Variants in ZBTB37 observed in about 807,000 individuals in gnomAD.
ZBTB37 encodes the protein zinc finger and BTB domain containing 37, also known as zinc finger and BTB domain-containing protein 37.
ZBTB37 carries 15 observed loss-of-function variants against 37.7 expected under a neutral mutation model. The observed-to-expected ratio is 0.40, with a 90% CI of 0.27 to 0.61. ZBTB37 has a LOEUF of 0.61. Among genes scored for constraint, ZBTB37 ranks in the 20% least tolerant of loss-of-function variants. ZBTB37 has a pLI of 0.44. For synonymous variants in ZBTB37, 231 were observed against 220.6 expected (o/e 1.05, Z -0.42); for missense variants, 514 against 641.9 (o/e 0.80, Z 2.15).
At chr1:173,888,063 AAG>A (rs1364566935), downstream of ZBTB37, 10 of 152,252 alleles carry the variant, frequency 6.6e-5, no homozygotes, top group African/African-American at 2.4e-4. Flanking sequence ...ACCATTTAAT[AAG>A]AGCCTACCCT....
chr1:173,876,625 C>G (rs929412281), intron 4 of ZBTB37, among the ~76,000 whole-genome samples: 4 of 152,128 alleles, frequency 2.6e-5, no homozygotes, highest in African/African-American at 7.2e-5. Flanking sequence ...GCCTAAACCA[C>G]TGAATATTTA....
At chr1:173,879,824 A>T (rs1367458041) in intron 4 of ZBTB37, among the ~76,000 whole-genome samples, 1 of 152,094 alleles carries the variant, frequency 6.6e-6, no homozygotes, top group Admixed American at 6.6e-5. Context: ...GGTGGTGGGC[A>T]CCTGTAATCT....
At chr1:173,873,519 A>C (rs1366802052) in exon 4 of ZBTB37, 2 of 1,613,968 alleles carry the variant, frequency 1.2e-6, no homozygotes, top group Non-Finnish European at 1.7e-6. Flanking sequence ...CAGAGCCAGA[A>C]GTGAGTCTCC....
At position 173,896,866 on chromosome 1, in the gene ZBTB37, T is replaced by A. The variant is rs141178059; in HGVS notation, c.*10742T>A. On this transcript the variant is annotated 3_prime_UTR_variant, in exon 4 of 4. Transcript: ENST00000367701. ...GGAACAAAGCTTAAAATGTGTTTCC[T>A]CTGGAAGCCAAGATGCTAAAAAAGG... 1.3e-5 allele frequency: 2 copies of A among 152,316 alleles called. 1 individual carries two copies. Among genetic ancestry groups the A allele is most frequent in the East Asian group, 3.9e-4 (2 of 5,188 alleles). The allele number at this position is 152,316 out of a possible 1,614,324, so 9.4% of individuals were successfully genotyped here. A position where few individuals can be genotyped will look rare whatever the true frequency, so the allele number is the denominator to read the frequency against.
chr1:173,876,228 C>T (rs1352207076), intron 4 of ZBTB37, among the ~76,000 whole-genome samples: 1 of 151,812 alleles, frequency 6.6e-6, no homozygotes, highest in East Asian at 1.9e-4. Context: ...AAAAAGTAAA[C>T]ACTGTTGAAT....
chr1:173,888,708 G>T (rs1355489013), downstream of ZBTB37: 1 of 152,174 alleles, frequency 6.6e-6, no homozygotes, highest in Non-Finnish European at 1.5e-5. Context: ...AGGATTACAG[G>T]CATGAGCCAG....
intron 4 of ZBTB37, among the ~76,000 whole-genome samples, chr1:173,882,237 C>CTTTTTTTTT: frequency 1.1e-5 from 1 of 87,974 alleles, no homozygotes. Context: ...ATGGTAGTTT[C>CTTTTTTTTT]TTTTTTTTTT....
intron 4 of ZBTB37, among the ~76,000 whole-genome samples, chr1:173,881,371 G>A (rs1039883251): frequency 2.0e-5 from 3 of 152,168 alleles, no homozygotes; most frequent in African/African-American, 4.8e-5. Flanking sequence ...CATTTGGATT[G>A]GTTCCAAGTC....
downstream of ZBTB37, chr1:173,889,571 C>T (rs576019841): frequency 6.6e-6 from 1 of 152,308 alleles, no homozygotes; most frequent in South Asian, 2.1e-4. Context: ...TATTTTCATA[C>T]TAAGATGTTC....
exon 3 of ZBTB37, chr1:173,870,663 A>G (rs762262601): frequency 1.6e-4 from 255 of 1,614,100 alleles, no homozygotes; most frequent in Non-Finnish European, 1.9e-4. Flanking sequence ...CAAAGCATCA[A>G]GAGAGACCTC....
chr1:173,885,847 G>A, exon 5 of ZBTB37: 1 of 1,551,826 alleles, frequency 6.4e-7, no homozygotes, highest in Non-Finnish European at 8.7e-7. Context: ...AAGTATACCC[G>A]GAAAGATCAG....
exon 4 of ZBTB37, chr1:173,898,625 T>G (rs1195051844): frequency 6.6e-6 from 1 of 152,068 alleles, no homozygotes; most frequent in Non-Finnish European, 1.5e-5. Flanking sequence ...GTTTTTAAGG[T>G]CAATATTGTC....
At chr1:173,873,482 C>T (rs1655705584) in exon 4 of ZBTB37, 1 of 1,611,470 alleles carries the variant, frequency 6.2e-7, no homozygotes, top group Non-Finnish European at 8.5e-7. Flanking sequence ...GCCCCTCCGG[C>T]AGTGTTGTTC....
intron 4 of ZBTB37, among the ~76,000 whole-genome samples, chr1:173,880,781 T>G (rs528778422): frequency 2.0e-4 from 30 of 152,322 alleles, no homozygotes; most frequent in Admixed American, 3.9e-4. Context: ...TTTGTGGTGT[T>G]TGTTCTTCTA....
At chr1:173,885,985 T>G in exon 5 of ZBTB37, 1 of 1,551,762 alleles carries the variant, frequency 6.4e-7, no homozygotes, top group African/African-American at 1.4e-5. Flanking sequence ...TGTATACCCC[T>G]GGAGGGGCCT....
exon 4 of ZBTB37, chr1:173,901,088 A>G (rs931475583): frequency 6.6e-6 from 1 of 152,358 alleles, no homozygotes; most frequent in Admixed American, 6.5e-5. Flanking sequence ...AGCACTGTGA[A>G]GTTTGGTCAA....
intron 4 of ZBTB37, among the ~76,000 whole-genome samples, chr1:173,883,201 G>A (rs1246448767): frequency 6.6e-6 from 1 of 152,186 alleles, no homozygotes; most frequent in East Asian, 1.9e-4. Context: ...ACTGTTGGCT[G>A]GGCCTGGTGG....
At chr1:173,873,338 C>T in intron 3 of ZBTB37, 129 bp from the exon 4 acceptor site, 1 of 869,762 alleles carries the variant, frequency 1.1e-6, no homozygotes, top group Non-Finnish European at 1.7e-6. Flanking sequence ...CAAAACTATT[C>T]CTCAGTTATT....
chr1:173,887,854 G>C (rs1298854528), downstream of ZBTB37: 1 of 152,192 alleles, frequency 6.6e-6, no homozygotes, highest in East Asian at 1.9e-4. Flanking sequence ...CCTTTCCTGA[G>C]ATTGCTTTGT....
Sources: gnomAD v4.1 joint callset for allele counts (sites outside exome capture counted in the v4.1 genomes callset) on GRCh38, gnomAD v4.1.1 for gene constraint, MANE v1.5 for transcripts, NCBI Gene and HGNC (gene_info 2026-07-23, HGNC 2026-07-21) for gene names.